Variants in CALN1 observed in about 807,000 individuals in gnomAD.
The protein encoded by CALN1 is calcium-binding protein 8.
A neutral mutation model predicts 30.6 loss-of-function variants in CALN1; 17 were observed. The ratio of observed to expected loss-of-function variants is 0.56; its 90% confidence interval spans 0.38 to 0.83. The LOEUF (loss-of-function observed/expected upper bound fraction) is 0.83. Ranked by LOEUF, CALN1 falls within the 40% of genes least tolerant of loss-of-function variation. CALN1 has a pLI of 0.00. For synonymous variants in CALN1, 156 were observed against 131.4 expected, an observed-to-expected ratio of 1.19 and a Z score of -1.28; for missense variants, 291 against 354.9, an observed-to-expected ratio of 0.82 and a Z score of 1.45.
At chr7:71,817,642 A>G (rs1788342505) in intron 5 of CALN1, among the ~76,000 whole-genome samples, 1 of 152,044 alleles carries the variant, frequency 6.6e-6, no homozygotes, top group South Asian at 2.1e-4. Context: ...CAGCCTCCCG[A>G]GTAGCTGGGA....
chr7:72,472,468 G>A, the CALN1 span, among the ~76,000 whole-genome samples: 1 of 152,130 alleles, frequency 6.6e-6, no homozygotes, highest in East Asian at 1.9e-4. Context: ...AGCTTTTGCT[G>A]TGTTTCCAGT....
At chr7:72,247,086 G>A (rs1365793637) in intron 3 of CALN1, among the ~76,000 whole-genome samples, 1 of 151,422 alleles carries the variant, frequency 6.6e-6, no homozygotes, top group African/African-American at 2.4e-5. Context: ...TATAATCACA[G>A]ACAGCCCAGT....
At chr7:72,491,405 C>G in the CALN1 span, among the ~76,000 whole-genome samples, 4 of 151,914 alleles carry the variant, frequency 2.6e-5, no homozygotes, top group Non-Finnish European at 4.4e-5. Context: ...CCTATTTCTG[C>G]AAAAAGTTAA....
chr7:71,939,731 AC>A (rs756234513), intron 5 of CALN1, among the ~76,000 whole-genome samples: 3 of 152,104 alleles, frequency 2.0e-5, no homozygotes, highest in Non-Finnish European at 4.4e-5. Context: ...GATCTGAGAC[AC>A]CTCTTTATAT....
chr7:72,332,959 C>T (rs550199834), intron 2 of CALN1, among the ~76,000 whole-genome samples: 39 of 152,264 alleles, frequency 2.6e-4, no homozygotes, highest in African/African-American at 3.1e-4. Flanking sequence ...GCCATCCTAA[C>T]GGAGAAATGC....
chr7:71,788,479 T>G (rs943293165), intron 6 of CALN1, among the ~76,000 whole-genome samples: 1 of 128,446 alleles, frequency 7.8e-6, no homozygotes, highest in Non-Finnish European at 1.7e-5. Flanking sequence ...TACTAAGAGG[T>G]TTTTTTTTGT....
At chr7:72,434,247 A>T (rs915777315) in intron 1 of CALN1, among the ~76,000 whole-genome samples, 1 of 151,774 alleles carries the variant, frequency 6.6e-6, no homozygotes, top group African/African-American at 2.4e-5. Flanking sequence ...TCATGCCTGT[A>T]ATCCCAGCAC....
the CALN1 span, among the ~76,000 whole-genome samples, chr7:72,472,146 A>G: frequency 1.3e-5 from 2 of 152,132 alleles, no homozygotes; most frequent in Non-Finnish European, 1.5e-5. Flanking sequence ...CTCCGCTTCC[A>G]AATCCACCAC....
intron 3 of CALN1, among the ~76,000 whole-genome samples, chr7:72,199,755 G>C (rs371613330): frequency 2.0e-5 from 3 of 152,054 alleles, no homozygotes; most frequent in African/African-American, 7.2e-5. Flanking sequence ...GATCGCTGGA[G>C]CCCAGGAGGT....
chr7:72,294,006 G>A (rs1798672846), intron 2 of CALN1, among the ~76,000 whole-genome samples: 1 of 152,160 alleles, frequency 6.6e-6, no homozygotes. Context: ...GCTGAGGCAG[G>A]AGGATCACTT....
intron 3 of CALN1, among the ~76,000 whole-genome samples, chr7:72,208,434 AAC>A (rs1382593425): frequency 2.0e-5 from 3 of 152,350 alleles, no homozygotes; most frequent in East Asian, 3.9e-4. Flanking sequence ...ATATGAATAA[AAC>A]ACTTGCACAG....
intron 4 of CALN1, among the ~76,000 whole-genome samples, chr7:72,093,456 T>C (rs1339059401): frequency 6.6e-6 from 1 of 152,188 alleles, no homozygotes; most frequent in Admixed American, 6.5e-5. Flanking sequence ...TAACCTTAAA[T>C]GAAGTGCTGA....
intron 3 of CALN1, among the ~76,000 whole-genome samples, chr7:72,169,489 A>ATTTAT (rs1788781183): frequency 1.2e-5 from 1 of 86,744 alleles, no homozygotes. Flanking sequence ...CCAGCTGATT[A>ATTTAT]TTTTTTTTTT....
intron 5 of CALN1, among the ~76,000 whole-genome samples, chr7:71,838,343 T>C (rs1300601550): frequency 6.6e-6 from 1 of 152,234 alleles, no homozygotes; most frequent in African/African-American, 2.4e-5. Context: ...TCATGGACTA[T>C]TGTGGTAAAC....
rs1007328621 is a variant in CALN1, at chr7:71,966,790, C to T, written c.501+56867G>A. Among the ~76,000 whole-genome samples, 10 of 152,166 alleles carry T rather than the reference C, an allele frequency of 6.6e-5. 1 individual carries two copies. In the Middle Eastern group the frequency reaches 9.5e-3, roughly 144 times the overall value. On this transcript the variant is annotated intron_variant, in intron 5 of 6. Transcript: ENST00000395275. ...GGGAGCAAGTGGTGGTCACTACCCC[C>T]ATTGAAAGCCTAATGAAAATTATAG... is the stretch of plus-strand genomic sequence containing the variant.
chr7:72,396,725 T>G (rs1028044797), intron 2 of CALN1, among the ~76,000 whole-genome samples: 2 of 152,050 alleles, frequency 1.3e-5, no homozygotes, highest in African/African-American at 4.8e-5. Context: ...GTCTTTGTTT[T>G]AATTGTGAGG....
chr7:72,002,527 A>G (rs1799578217), intron 5 of CALN1, among the ~76,000 whole-genome samples: 1 of 152,190 alleles, frequency 6.6e-6, no homozygotes, highest in Non-Finnish European at 1.5e-5. Context: ...AAGTCAGGAA[A>G]TGTTGGTACC....
chr7:72,378,965 G>A (rs1216238985), intron 2 of CALN1, among the ~76,000 whole-genome samples: 1 of 152,078 alleles, frequency 6.6e-6, no homozygotes, highest in Non-Finnish European at 1.5e-5. Context: ...GATCATGTGG[G>A]TTTCCTTAGT....
intron 5 of CALN1, among the ~76,000 whole-genome samples, chr7:71,864,203 A>G (rs999566376): frequency 1.2e-4 from 18 of 152,350 alleles, no homozygotes; most frequent in African/African-American, 4.3e-4. Flanking sequence ...AATTACCCAC[A>G]GTCTTTTATA....
Sources: gnomAD v4.1 joint callset for allele counts (sites outside exome capture counted in the v4.1 genomes callset) on GRCh38, gnomAD v4.1.1 for gene constraint, MANE v1.5 for transcripts, NCBI Gene and HGNC (gene_info 2026-07-23, HGNC 2026-07-21) for gene names.